The following DPP9 variants were observed in gnomAD, a reference collection of about 807,000 sequenced individuals.
DPP9 encodes the protein dipeptidyl peptidase IV-related protein-2.
In DPP9, 50 loss-of-function variants were observed where a neutral mutation model predicts 110.7. The ratio of observed to expected loss-of-function variants is 0.45; its 90% CI spans 0.36 to 0.57. The LOEUF is 0.57. Ranked by LOEUF, DPP9 falls within the 20% of genes least tolerant of loss-of-function variation. The probability of loss-of-function intolerance (pLI) is 0.00; values close to 1 mark genes in which losing one functional copy is unlikely to be tolerated. For synonymous variants in DPP9, 561 were observed against 514.4 expected (o/e 1.09, Z -1.23); for missense variants, 1,022 against 1,217.9 (o/e 0.84, Z 2.39).
chr19:4,693,734 G>A lies in DPP9; in HGVS notation c.1516+927C>T, dbSNP rs939060694. 6.6e-5 allele frequency among the ~76,000 whole-genome samples: 10 copies of A among 152,038 alleles called. No homozygotes were observed. The highest frequency in any genetic ancestry group is 2.4e-4 in the African/African-American group (10 of 41,422). On this transcript the variant is annotated intron_variant, in intron 13 of 21. Coordinates refer to ENST00000262960, the MANE Select transcript of DPP9 (RefSeq NM_139159.5). The surrounding 1 kb of genome is among the most constrained non-coding windows in gnomAD (Gnocchi z 5.0). ...CATCTGAAACTGAGGTGAGGGTGAC[G>A]ACTTCCTATTTCTCTCGGGGTCAAA... is the stretch of plus-strand genomic sequence containing the variant.
rs1456347715 is a variant in DPP9, at chr19:4,718,798, C to T, written c.56+1053G>A. Among the ~76,000 whole-genome samples, 1 of 152,210 alleles carries T rather than the reference C, an allele frequency of 6.6e-6. No homozygotes were observed. ...TAGCCCTTCACACCGTCCCCGTCTT[C>T]CCCGGTCCATTCTTCAATTCCCTTC... On this transcript the variant is annotated intron_variant, in intron 3 of 21. Coordinates refer to ENST00000262960, the MANE Select transcript of DPP9 (RefSeq NM_139159.5). This position sits in a 1 kb window ranked among gnomAD's most constrained non-coding sequence, Gnocchi z 4.3.
chr19:4,713,701 C>A (rs1017709452), intron 4 of DPP9, among the ~76,000 whole-genome samples: 1 of 152,222 alleles, frequency 6.6e-6, no homozygotes, highest in African/African-American at 2.4e-5. Context: ...CTGTTTGTCA[C>A]GAGCCCCACC....
At position 4,700,255 on chromosome 19, in the gene DPP9, G is replaced by C. The variant is rs1417893760; in HGVS notation, c.1035C>G (p.Ala345=). 7 of 1,598,552 alleles carry C rather than the reference G, an allele frequency of 4.4e-6. No homozygotes were observed. In the Admixed American group the frequency reaches 8.5e-5, roughly 19 times the overall value. Residue 345 remains alanine (A), a synonymous_variant, in exon 10 of 22, where the codon GCC becomes GCG. Transcript: ENST00000262960. This position sits in a 1 kb window ranked among gnomAD's most constrained non-coding sequence, Gnocchi z 4.3. The part of the protein sequence containing the change: ...PRTGSKNPKI[A]LKLAEFQTDS... ...CAGTCTGGAACTCAGCCAGTTTCAAGGCAATCTTGGGATTCTTGCTGCCTG... is the reference window on the plus strand; with the variant it reads ...CAGTCTGGAACTCAGCCAGTTTCAACGCAATCTTGGGATTCTTGCTGCCTG...
chr19:4,697,649 G>C lies in DPP9; in HGVS notation c.1077C>G (p.Ile359Met), dbSNP rs759316387. ...CCAGCTCCTTCTCCTGGGTCGAGACGATCTGAAGGGAAACAAACAGGTGTG... is the reference window on the plus strand; with the variant it reads ...CCAGCTCCTTCTCCTGGGTCGAGACCATCTGAAGGGAAACAAACAGGTGTG... The part of the protein sequence containing the change: ...AEFQTDSQGK[I>M]VSTQEKELVQ... Residue 359 changes from isoleucine to methionine, a missense_variant and splice_region_variant, in exon 11 of 22, where the codon ATC becomes ATG. Ile to Met is a conservative substitution (Grantham distance 10, BLOSUM62 1). This residue lies in a region of DPP9 where 810 missense variants were observed against 920.6 expected (regional missense o/e 0.88). Transcript: ENST00000262960. The C allele has an allele frequency of 6.2e-7, 1 of 1,613,628 alleles. No individual in the cohort carries two copies. Among genetic ancestry groups the C allele is most frequent in the African/African-American group, 1.3e-5 (1 of 75,062 alleles).
chr19:4,709,410 GAT>G (rs1291889746), intron 4 of DPP9, among the ~76,000 whole-genome samples: 3 of 152,182 alleles, frequency 2.0e-5, no homozygotes, highest in Non-Finnish European at 2.9e-5. Context: ...AGTTCAGTGA[GAT>G]GTGTGTGGGA....
intron 8 of DPP9, 92 bp from the exon 9 acceptor site, chr19:4,702,247 A>T: frequency 2.0e-6 from 3 of 1,471,522 alleles, no homozygotes; most frequent in Non-Finnish European, 2.7e-6. Context: ...CGGGGCCTGA[A>T]GATGGGCACC....
At position 4,694,066 on chromosome 19, in the gene DPP9, C is replaced by T. The variant is rs916315179; in HGVS notation, c.1516+595G>A. Among the ~76,000 whole-genome samples, 2 of 151,042 alleles carry T rather than the reference C, an allele frequency of 1.3e-5. No individual in the cohort carries two copies. Among genetic ancestry groups the T allele is most frequent in the Admixed American group, 6.6e-5 (1 of 15,134 alleles). ...CGCCCGACTGCATTTCCTTCCACCA[C>T]GCACATCACACCAGAGGCAGCACCT... On this transcript the variant is annotated intron_variant, in intron 13 of 21. Coordinates refer to ENST00000262960, the MANE Select transcript of DPP9 (RefSeq NM_139159.5). The surrounding 1 kb of genome is among the most constrained non-coding windows in gnomAD (Gnocchi z 4.0).
At chr19:4,722,657 C>A in intron 1 of DPP9, 106 bp from the exon 2 acceptor site, 1 of 681,868 alleles carries the variant, frequency 1.5e-6, no homozygotes, top group South Asian at 1.6e-5. Context: ...CCGATTCTAC[C>A]TGGCTAGATT....
chr19:4,722,255 C>T (rs1246435427), intron 2 of DPP9: 1 of 507,110 alleles, frequency 2.0e-6, no homozygotes, highest in Non-Finnish European at 3.5e-6. Context: ...GAAATCAGCA[C>T]TCTCCCCTTC....
In DPP9 at chr19:4,680,235, C is replaced by CAA. The variant is rs71168922; in HGVS notation, c.2475-291_2475-290dup. On this transcript the variant is annotated intron_variant, in intron 20 of 21. Transcript: ENST00000262960. ...TGGGCGACAGATGGAGACAGCATCT[C>CAA]AAAAAAAAAAAAAAAAAAAAGATCA... Among the ~76,000 whole-genome samples the CAA allele has an allele frequency of 2.7e-4, 19 of 70,830 alleles. No homozygotes were observed. In the East Asian group the frequency reaches 2.7e-3, roughly 10 times the overall value. 46.5% of individuals were successfully genotyped at this position (70,830 alleles called of 152,430 possible). A position where few individuals can be genotyped will look rare whatever the true frequency, so the allele number is the denominator to read the frequency against.
chr19:4,714,184 G>A lies in DPP9; in HGVS notation c.210C>T (p.Ser70=). 6.2e-7 allele frequency: 1 copy of A among 1,611,378 alleles called. No individual in the cohort carries two copies. Among genetic ancestry groups the A allele is most frequent in the South Asian group, 1.1e-5 (1 of 90,660 alleles). Residue 70 remains serine, a synonymous_variant, in exon 4 of 22, where the codon AGC becomes AGT. Transcript: ENST00000262960. ...TGACAATGAGGCCCGAGTACTTGCG[G>A]CTGCCGTGGATGATGCTCCGGAGCC... is the stretch of plus-strand genomic sequence containing the variant. ...WDGLRSIIHG[S]RKYSGLIVNK...
Position 4,676,287 on chromosome 19 carries a change from C to T in DPP9, c.*277G>A, listed in dbSNP as rs1252333115. ...CTCTCCAGTGCCCATCAGCGTGTGA[C>T]CTCCTCCTCCCAGAAGGCGGGGAGA... On this transcript the variant is annotated 3_prime_UTR_variant, in exon 22 of 22. Coordinates refer to ENST00000262960, the MANE Select transcript of DPP9 (RefSeq NM_139159.5). The surrounding 1 kb of genome is among the most constrained non-coding windows in gnomAD (Gnocchi z 4.0). 6 of 491,004 alleles carry T rather than the reference C, an allele frequency of 1.2e-5. No individual in the cohort carries two copies. Among genetic ancestry groups the T allele is most frequent in the African/African-American group, 3.9e-5 (2 of 51,194 alleles). 30.4% of individuals were successfully genotyped at this position (491,004 alleles called of 1,614,324 possible).
In DPP9 at chr19:4,695,095, G is replaced by T; in HGVS notation, c.1354-272C>A. The T allele has an allele frequency of 1.7e-6, 1 of 590,570 alleles. No individual in the cohort carries two copies. The allele number at this position is 590,570 out of a possible 1,614,324, so 36.6% of individuals were successfully genotyped here. A position where few individuals can be genotyped will look rare whatever the true frequency, so the allele number is the denominator to read the frequency against. ...AGGCCCAGGAGGTCAAGGCTGCAGT[G>T]AGCTATGACCACACCACTGCACTCT... On this transcript the variant is annotated intron_variant, in intron 12 of 21. Coordinates refer to ENST00000262960, the MANE Select transcript of DPP9 (RefSeq NM_139159.5). This position sits in a 1 kb window ranked among gnomAD's most constrained non-coding sequence, Gnocchi z 4.7.
chr19:4,694,488 TA>T lies in DPP9; in HGVS notation c.1516+172del. ...TGAATAAGCCAACAGTTGGGTGCTCTAAGCCCTGCCAGATCATGCAGTCACT... is the reference window on the plus strand; with the variant it reads ...TGAATAAGCCAACAGTTGGGTGCTCTAGCCCTGCCAGATCATGCAGTCACT... On this transcript the variant is annotated intron_variant, in intron 13 of 21. Transcript: ENST00000262960. The surrounding 1 kb of genome is among the most constrained non-coding windows in gnomAD (Gnocchi z 4.0). 1 of 822,238 alleles carries T rather than the reference TA, an allele frequency of 1.2e-6. No individual in the cohort carries two copies. The highest frequency in any genetic ancestry group is 1.9e-6 in the Non-Finnish European group (1 of 534,140). 50.9% of individuals were successfully genotyped at this position (822,238 alleles called of 1,614,324 possible).
chr19:4,706,086 C>T (rs112088461), intron 4 of DPP9, 116 bp from the exon 5 acceptor site: 33,506 of 878,142 alleles, frequency 0.038, 1,379 homozygotes, highest in African/African-American at 0.15. Flanking sequence ...TCTGCCAGGC[C>T]GCCGGCGGGA....
chr19:4,681,089 A>G lies in DPP9; in HGVS notation c.2475-1143T>C, dbSNP rs2145323079. ...GCCCTTCCTGTCCGATACGGGAGCCAGTGGCCACACGTCGCCGTTGAAATT... is the reference window on the plus strand; with the variant it reads ...GCCCTTCCTGTCCGATACGGGAGCCGGTGGCCACACGTCGCCGTTGAAATT... On this transcript the variant is annotated intron_variant, in intron 20 of 21. Coordinates refer to ENST00000262960, the MANE Select transcript of DPP9 (RefSeq NM_139159.5). 2.0e-5 allele frequency among the ~76,000 whole-genome samples: 3 copies of G among 152,272 alleles called. No homozygotes were observed. In the South Asian group the frequency reaches 6.2e-4, roughly 32 times the overall value.
At chr19:4,678,255 G>C (rs1289450476) in intron 21 of DPP9, among the ~76,000 whole-genome samples, 1 of 152,156 alleles carries the variant, frequency 6.6e-6, no homozygotes, top group Non-Finnish European at 1.5e-5. Flanking sequence ...TGGGACTACA[G>C]GCGTGTGCCA....
Position 4,682,605 on chromosome 19 carries a change from C to A in DPP9, c.2474+91G>T. The A allele has an allele frequency of 1.3e-6, 2 of 1,528,908 alleles. No homozygotes were observed. Among genetic ancestry groups the A allele is most frequent in the Admixed American group, 2.0e-5 (1 of 51,144 alleles). 94.7% of individuals were successfully genotyped at this position (1,528,908 alleles called of 1,614,324 possible). ...CCTGAGGCTCCCTGGGCAGGGCCAG[C>A]TGGGGCAGGAGGGCACCCTCATAGA... On this transcript the variant is annotated intron_variant, in intron 20 of 21. Coordinates refer to ENST00000262960, the MANE Select transcript of DPP9 (RefSeq NM_139159.5). The surrounding 1 kb of genome is among the most constrained non-coding windows in gnomAD (Gnocchi z 7.1).
Position 4,704,410 on chromosome 19 carries a change from C to T in DPP9, c.427-106G>A, listed in dbSNP as rs946454168. 18 of 1,360,402 alleles carry T rather than the reference C, an allele frequency of 1.3e-5. No homozygotes were observed. The highest frequency in any genetic ancestry group is 2.3e-5 in the East Asian group (1 of 43,180). The allele number at this position is 1,360,402 out of a possible 1,614,324, so 84.3% of individuals were successfully genotyped here. ...GGGGCATTCCCAGGGAATCTGACTTCGGGCCTCGCCAGAGAGAACTTCCTG... is the reference window on the plus strand; with the variant it reads ...GGGGCATTCCCAGGGAATCTGACTTTGGGCCTCGCCAGAGAGAACTTCCTG... On this transcript the variant is annotated intron_variant, in intron 5 of 21. Coordinates refer to ENST00000262960, the MANE Select transcript of DPP9 (RefSeq NM_139159.5). The surrounding 1 kb of genome is among the most constrained non-coding windows in gnomAD (Gnocchi z 6.0).
Sources: allele counts gnomAD v4.1 joint callset (sites outside exome capture counted in the v4.1 genomes callset), GRCh38; gene constraint gnomAD v4.1.1; regional missense constraint gnomAD v4.1.1; non-coding constraint Gnocchi (gnomAD v3.1); transcripts MANE v1.5; gene names NCBI Gene and HGNC (gene_info 2026-07-23, HGNC 2026-07-21).